The following ATF6 variants were observed in gnomAD, a reference collection of about 807,000 sequenced individuals.
The protein encoded by ATF6 is cyclic AMP-dependent transcription factor ATF-6 alpha.
In ATF6, 53 loss-of-function variants were observed where a neutral mutation model predicts 83.6. The ratio of observed to expected loss-of-function variants is 0.63; its 90% CI spans 0.51 to 0.80. The LOEUF (loss-of-function observed/expected upper bound fraction) is 0.80, where lower values mean the gene tolerates loss of function less well. Ranked by LOEUF, ATF6 falls within the 30% of genes least tolerant of loss-of-function variation. The pLI is 0.00. For missense variants in ATF6, 744 were observed against 797.9 expected, an observed-to-expected ratio of 0.93 and a Z score of 0.81; for synonymous variants, 288 against 285.8, an observed-to-expected ratio of 1.01 and a Z score of -0.08.
chr1:161,857,526 A>G (rs1375861026), intron 12 of ATF6, among the ~76,000 whole-genome samples: 1 of 152,274 alleles, frequency 6.6e-6, no homozygotes, highest in African/African-American at 2.4e-5. Flanking sequence ...AACCAAGGGA[A>G]TTTGTCTCCA....
chr1:161,926,749 G>A (rs903932693), intron 15 of ATF6, among the ~76,000 whole-genome samples: 1 of 152,068 alleles, frequency 6.6e-6, no homozygotes, highest in African/African-American at 2.4e-5. Flanking sequence ...AATGTAAAGA[G>A]TAAGTCTACA....
chr1:161,889,005 C>T (rs149735871), intron 14 of ATF6, among the ~76,000 whole-genome samples: 24 of 152,290 alleles, frequency 1.6e-4, no homozygotes, highest in African/African-American at 5.5e-4. Flanking sequence ...CATGTACCAC[C>T]CATATATAAT....
chr1:161,804,397 A>G (rs1054234172), intron 7 of ATF6, among the ~76,000 whole-genome samples: 11 of 152,154 alleles, frequency 7.2e-5, no homozygotes, highest in African/African-American at 2.7e-4. Flanking sequence ...AAAAGTCCAG[A>G]AAAGCATAGC....
intron 10 of ATF6, among the ~76,000 whole-genome samples, chr1:161,849,703 TC>T (rs1353024618): frequency 3.8e-5 from 5 of 132,690 alleles, no homozygotes; most frequent in African/African-American, 2.0e-4. Flanking sequence ...AGGTGACTCA[TC>T]TATAATTTCA....
Position 161,784,059 on chromosome 1 carries a change from G to C in ATF6, c.317G>C (p.Arg106Pro), listed in dbSNP as rs149683955. The change falls in exon 4 of 16, where the codon CGG (arginine) becomes CCG (proline). Residue 106 changes from arginine (R) to proline (P), a missense_variant. Transcript: ENST00000367942. The stretch of plus-strand genomic sequence containing the variant: ...TCAAGTTATTCAGTCTCGTCTCCTC[G>C]GTCAGTGGACTCTTATTCTTCAACT... ...ASSSYSVSSP[R>P]SVDSYSSTQH... 4 of 1,613,416 alleles carry C rather than the reference G, an allele frequency of 2.5e-6. No homozygotes were observed. Among genetic ancestry groups the C allele is most frequent in the African/African-American group, 2.7e-5 (2 of 74,874 alleles).
rs533723123 is a variant in ATF6 at position 161,828,608 on chromosome 1, CAG to C, written c.1187+7448_1187+7449del. 4.0e-4 allele frequency among the ~76,000 whole-genome samples: 61 copies of C among 152,300 alleles called. 3 individuals are homozygous for C. The South Asian group carries it at 0.01, about 26-fold the overall frequency. On this transcript the variant is annotated intron_variant, in intron 9 of 15. Transcript: ENST00000367942. ...GGGGAACAAAAGTTGCCCTACCACT[CAG>C]GGAGACTGTTATTAAGTACCTATCT... is the stretch of plus-strand genomic sequence containing the variant.
chr1:161,766,491 A>G, intron 1 of ATF6, 49 bp downstream of exon 1: 1 of 1,579,570 alleles, frequency 6.3e-7, no homozygotes, highest in Non-Finnish European at 8.7e-7. Flanking sequence ...TCGCGTCTAA[A>G]GGTTTCTTCC....
intron 4 of ATF6, among the ~76,000 whole-genome samples, chr1:161,788,702 G>T (rs1432231936): frequency 1.3e-5 from 2 of 151,892 alleles, no homozygotes; most frequent in Non-Finnish European, 2.9e-5. Context: ...AATACTCTTA[G>T]ACACCACTTT....
At chr1:161,783,438 G>C (rs1394608547) in intron 3 of ATF6, among the ~76,000 whole-genome samples, 1 of 152,022 alleles carries the variant, frequency 6.6e-6, no homozygotes, top group African/African-American at 2.4e-5. Flanking sequence ...GGCCATAGTT[G>C]CTCAGTACAT....
At chr1:161,769,951 A>G (rs1684347489) in intron 1 of ATF6, among the ~76,000 whole-genome samples, 1 of 152,136 alleles carries the variant, frequency 6.6e-6, no homozygotes, top group East Asian at 1.9e-4. Flanking sequence ...CTGGTTCCCA[A>G]CAGGGTTGGG....
Position 161,766,415 on chromosome 1 carries a change from C to G in ATF6, c.55C>G (p.Leu19Val). ...GTMESPFSPG[L>V]FHRLDEDWDS... ...CATGGAGTCACCTTTTAGCCCGGGA[C>G]TCTTTCACAGGCTGGATGAAGATTG... Residue 19 changes from leucine (L) to valine (V), a missense_variant, in exon 1 of 16, where the codon CTC becomes GTC. By Grantham distance (32) the Leu-to-Val change is conservative. Transcript: ENST00000367942. The G allele has an allele frequency of 6.2e-7, 1 of 1,613,500 alleles. No homozygotes were observed. Among genetic ancestry groups the G allele is most frequent in the Non-Finnish European group, 8.5e-7 (1 of 1,179,720 alleles).
At chr1:161,822,340 A>G (rs1297493437) in intron 9 of ATF6, among the ~76,000 whole-genome samples, 1 of 152,132 alleles carries the variant, frequency 6.6e-6, no homozygotes, top group Non-Finnish European at 1.5e-5. Context: ...AGCTTTTTGA[A>G]GCCAAAGTAA....
chr1:161,874,639 T>C (rs951369675), intron 14 of ATF6, among the ~76,000 whole-genome samples: 2 of 151,574 alleles, frequency 1.3e-5, no homozygotes, highest in Non-Finnish European at 3.0e-5. Context: ...TTGGAGAGGG[T>C]CAGTGTCACA....
chr1:161,804,735 C>T (rs1378874651), intron 7 of ATF6, among the ~76,000 whole-genome samples: 1 of 150,582 alleles, frequency 6.6e-6, no homozygotes, highest in Non-Finnish European at 1.5e-5. Flanking sequence ...TTAATGTTGA[C>T]AATCATCACT....
chr1:161,791,672 G>A, intron 5 of ATF6, 135 bp downstream of exon 5: 2 of 969,956 alleles, frequency 2.1e-6, no homozygotes, highest in Non-Finnish European at 2.9e-6. Context: ...GACCTATATT[G>A]TTTGTTGTGA....
In ATF6 at chr1:161,961,647, T is replaced by A. The variant is rs986011010; in HGVS notation, c.*2993T>A. The A allele has an allele frequency of 7.2e-5, 11 of 152,102 alleles. No individual in the cohort carries two copies. Among genetic ancestry groups the A allele is most frequent in the African/African-American group, 2.7e-4 (11 of 41,422 alleles). The allele number at this position is 152,102 out of a possible 1,614,324, so 9.4% of individuals were successfully genotyped here. ...ATTGTGGGTAATGTGTGTATTTTTT[T>A]ATTTATTAAATTTTAAACAGGATTG... On this transcript the variant is annotated 3_prime_UTR_variant, in exon 16 of 16. Transcript: ENST00000367942.
intron 14 of ATF6, among the ~76,000 whole-genome samples, chr1:161,877,575 G>A (rs1687241052): frequency 2.0e-5 from 3 of 152,080 alleles, no homozygotes; most frequent in South Asian, 4.1e-4. Flanking sequence ...ATTGGAAGGG[G>A]CTAGTTCTAC....
chr1:161,820,689 G>A (rs184753177), intron 8 of ATF6, among the ~76,000 whole-genome samples: 41 of 152,118 alleles, frequency 2.7e-4, no homozygotes, highest in African/African-American at 7.7e-4. Flanking sequence ...CGGAGATTGC[G>A]GTGATCCGAG....
At position 161,962,582 on chromosome 1, in the gene ATF6, A is replaced by G. The variant is rs1689123429; in HGVS notation, c.*3928A>G. 1 of 152,226 alleles carries G rather than the reference A, an allele frequency of 6.6e-6. No homozygotes were observed. Among genetic ancestry groups the G allele is most frequent in the African/African-American group, 2.4e-5 (1 of 41,464 alleles). 9.4% of individuals were successfully genotyped at this position (152,226 alleles called of 1,614,324 possible). On this transcript the variant is annotated 3_prime_UTR_variant, in exon 16 of 16. Transcript: ENST00000367942. The stretch of plus-strand genomic sequence containing the variant: ...TAACACATTGCAAAGTTTCAAAGTG[A>G]CTTTCACTTTCAACAACATATTAGA...
Sources: allele counts gnomAD v4.1 joint callset (sites outside exome capture counted in the v4.1 genomes callset), GRCh38; gene constraint gnomAD v4.1.1; transcripts MANE v1.5; gene names NCBI Gene and HGNC (gene_info 2026-07-23, HGNC 2026-07-21).